TRANK1: variants seen among roughly 807,000 people sequenced by gnomAD.
TRANK1 encodes tetratricopeptide repeat and ankyrin repeat containing 1, also known as TPR and ankyrin repeat-containing protein 1.
In TRANK1, 198 loss-of-function variants were observed where a neutral mutation model predicts 266.0. The ratio of observed to expected loss-of-function variants is 0.74; its 90% CI spans 0.66 to 0.84. The LOEUF (loss-of-function observed/expected upper bound fraction) is 0.84, where lower values mean the gene tolerates loss of function less well. TRANK1 is among the 40% of genes least tolerant of loss of function. The pLI, the probability that TRANK1 is intolerant of heterozygous loss-of-function variation, is 0.00. For missense variants in TRANK1, 3,326 were observed against 3,634.6 expected, an observed-to-expected ratio of 0.92 and a Z score of 2.18; for synonymous variants, 1,396 against 1,384.1, an observed-to-expected ratio of 1.01 and a Z score of -0.19.
At chr3:36,926,355 C>G (rs1188058878) in intron 1 of TRANK1, among the ~76,000 whole-genome samples, 1 of 152,220 alleles carries the variant, frequency 6.6e-6, no homozygotes, top group South Asian at 2.1e-4. Context: ...CAAACAAGCA[C>G]TTGAGGATGA....
chr3:36,833,933 G>A lies in TRANK1; in HGVS notation c.5664-14C>T. The A allele has an allele frequency of 6.3e-7, 1 of 1,577,578 alleles. No individual in the cohort carries two copies. Among genetic ancestry groups the A allele is most frequent in the Non-Finnish European group, 8.6e-7 (1 of 1,165,760 alleles). On this transcript the variant is annotated splice_polypyrimidine_tract_variant and intron_variant, in intron 21 of 23. Coordinates refer to ENST00000645898, the MANE Select transcript of TRANK1 (RefSeq NM_001329998.2). ...ATTTCTTCATACCTGCAAAGACAAAGGACACAAATGTCAACTTGCCATCAC... is the reference window on the plus strand; with the variant it reads ...ATTTCTTCATACCTGCAAAGACAAAAGACACAAATGTCAACTTGCCATCAC...
rs1417158063 is a variant in TRANK1, at chr3:36,833,613, T to A, written c.5970A>T (p.Ser1990=). 1 of 1,613,916 alleles carries A rather than the reference T, an allele frequency of 6.2e-7. No homozygotes were observed. Among genetic ancestry groups the A allele is most frequent in the Non-Finnish European group, 8.5e-7 (1 of 1,179,860 alleles). ...TGAGGCGGGCGGCCCCCAGCAGACA[T>A]GAGGCCTGGAAGTCCTTGTCGGCAG... ...RLTADKDFQA[S]CLLGAARLNV... Residue 1990 remains serine, a synonymous_variant, in exon 22 of 24, where the codon TCA becomes TCT. Coordinates refer to ENST00000645898, the MANE Select transcript of TRANK1 (RefSeq NM_001329998.2).
intron 8 of TRANK1, among the ~76,000 whole-genome samples, chr3:36,875,099 C>T (rs927248702): frequency 6.6e-6 from 1 of 151,916 alleles, no homozygotes; most frequent in African/African-American, 2.4e-5. Flanking sequence ...GATTTCTGAC[C>T]TGCTGTGCAT....
At chr3:36,921,284 G>A (rs979130776) in intron 1 of TRANK1, among the ~76,000 whole-genome samples, 1 of 152,140 alleles carries the variant, frequency 6.6e-6, no homozygotes, top group Admixed American at 6.5e-5. Context: ...GGCTACCTGC[G>A]ACAGGAATAA....
chr3:36,870,331 C>G (rs907162715), intron 9 of TRANK1, among the ~76,000 whole-genome samples: 4 of 151,840 alleles, frequency 2.6e-5, no homozygotes, highest in Non-Finnish European at 5.9e-5. Flanking sequence ...CGCTTGGACC[C>G]GGGAGATGGA....
chr3:36,891,580 AAAAC>A (rs2079696491), intron 7 of TRANK1, among the ~76,000 whole-genome samples: 1 of 152,246 alleles, frequency 6.6e-6, no homozygotes, highest in Non-Finnish European at 1.5e-5. Flanking sequence ...CTTGGAAAGA[AAAAC>A]AAACTTCTAT....
At chr3:36,877,149 C>T (rs1176909273) in intron 8 of TRANK1, among the ~76,000 whole-genome samples, 1 of 152,154 alleles carries the variant, frequency 6.6e-6, no homozygotes. Context: ...GATAATAAAC[C>T]CAGTGTTCAG....
At chr3:36,910,655 G>A (rs1016454048) in intron 1 of TRANK1, among the ~76,000 whole-genome samples, 3 of 152,068 alleles carry the variant, frequency 2.0e-5, no homozygotes, top group Admixed American at 6.5e-5. Flanking sequence ...CAGGAGAATC[G>A]CTTGAACCCA....
intron 1 of TRANK1, 178 bp from the exon 2 acceptor site, chr3:36,908,632 A>C (rs1199137441): frequency 8.1e-7 from 1 of 1,227,284 alleles, no homozygotes; most frequent in Non-Finnish European, 1.0e-6. Flanking sequence ...GTCTGACAAG[A>C]CTATTTCTTT....
rs570178796 is a variant in TRANK1, at chr3:36,840,130, G to C, written c.5281-1414C>G. ...TGGGTAACAGCAACAGTGTTCTGAA[G>C]GGAATAAAGGGTAAGATTTTATATA... is the stretch of plus-strand genomic sequence containing the variant. On this transcript the variant is annotated intron_variant, in intron 18 of 23. Transcript: ENST00000645898. Among the ~76,000 whole-genome samples the C allele has an allele frequency of 2.6e-5, 4 of 152,196 alleles. No individual in the cohort carries two copies. In the East Asian group the frequency reaches 7.7e-4, roughly 29 times the overall value.
chr3:36,915,122 T>G (rs935326198), intron 1 of TRANK1, among the ~76,000 whole-genome samples: 10 of 152,068 alleles, frequency 6.6e-5, no homozygotes, highest in Middle Eastern at 3.2e-3. Flanking sequence ...CGGCTAATTT[T>G]TTGTATTTTT....
In TRANK1 at chr3:36,846,991, A is replaced by G. The variant is rs1283901792; in HGVS notation, c.5034+209T>C. Among the ~76,000 whole-genome samples the G allele has an allele frequency of 3.9e-5, 6 of 152,160 alleles. No individual in the cohort carries two copies. In the East Asian group the frequency reaches 7.7e-4, roughly 20 times the overall value. ...AACCCTTCTCCTTCCGTTTTCAGACAGTATCCACCCATCAAGCCCAGTTCT... is the reference window on the plus strand; with the variant it reads ...AACCCTTCTCCTTCCGTTTTCAGACGGTATCCACCCATCAAGCCCAGTTCT... On this transcript the variant is annotated intron_variant, in intron 16 of 23. Coordinates refer to ENST00000645898, the MANE Select transcript of TRANK1 (RefSeq NM_001329998.2).
intron 8 of TRANK1, among the ~76,000 whole-genome samples, chr3:36,878,113 A>G (rs1282601540): frequency 7.9e-5 from 12 of 152,306 alleles, no homozygotes; most frequent in African/African-American, 2.9e-4. Flanking sequence ...AGCGAGCATC[A>G]CTGCCTGAGC....
chr3:36,869,301 TC>T (rs2079271618), intron 9 of TRANK1, among the ~76,000 whole-genome samples: 1 of 152,280 alleles, frequency 6.6e-6, no homozygotes, highest in Admixed American at 6.5e-5. Context: ...ACCCTTTATT[TC>T]TCACCTAGAT....
rs1386436797 is a variant in TRANK1, at chr3:36,900,878, A to T, written c.283-1619T>A. On this transcript the variant is annotated intron_variant, in intron 3 of 23. Transcript: ENST00000645898. The stretch of plus-strand genomic sequence containing the variant: ...AAAAAAAAAAAAAAAAAAAAAAAAG[A>T]TAACAGGTGTTCACCAACTGGGTTC... 8.2e-5 allele frequency among the ~76,000 whole-genome samples: 12 copies of T among 146,436 alleles called. No homozygotes were observed. In the East Asian group the frequency reaches 1.6e-3, roughly 20 times the overall value.
chr3:36,911,499 A>G (rs899592504), intron 1 of TRANK1, among the ~76,000 whole-genome samples: 3 of 152,158 alleles, frequency 2.0e-5, no homozygotes, highest in African/African-American at 7.2e-5. Flanking sequence ...ATTATTTTTC[A>G]TAGTTCTCTA....
chr3:36,916,288 T>A (rs1239758129), intron 1 of TRANK1, among the ~76,000 whole-genome samples: 3 of 152,188 alleles, frequency 2.0e-5, no homozygotes, highest in African/African-American at 7.2e-5. Context: ...CAATTTGGCC[T>A]GGCACAGTGG....
chr3:36,877,726 C>T (rs563423119), intron 8 of TRANK1, among the ~76,000 whole-genome samples: 3 of 152,268 alleles, frequency 2.0e-5, no homozygotes, highest in East Asian at 3.9e-4. Context: ...TATACATATA[C>T]ATTACTAGCA....
Position 36,877,241 on chromosome 3 carries a change from C to T in TRANK1, c.908-2945G>A, listed in dbSNP as rs117547887. On this transcript the variant is annotated intron_variant, in intron 8 of 23. Coordinates refer to ENST00000645898, the MANE Select transcript of TRANK1 (RefSeq NM_001329998.2). ...TAAGCTAGCACATCTTAAACATATA[C>T]GCTTTTACTTGTACATCATAAAATA... is the stretch of plus-strand genomic sequence containing the variant. Among the ~76,000 whole-genome samples the T allele has an allele frequency of 2.2e-4, 34 of 152,244 alleles. No individual in the cohort carries two copies. The East Asian group carries it at 5.4e-3, about 24-fold the overall frequency.
Sources: allele counts gnomAD v4.1 joint callset (sites outside exome capture counted in the v4.1 genomes callset), GRCh38; gene constraint gnomAD v4.1.1; transcripts MANE v1.5; gene names NCBI Gene and HGNC (gene_info 2026-07-23, HGNC 2026-07-21).